The following MBD5 variants were observed in gnomAD, a reference collection of about 807,000 sequenced individuals.
MBD5 encodes the protein methyl-CpG-binding domain protein 5.
MBD5 carries 13 observed loss-of-function variants against 117.3 expected under a neutral mutation model. That is an observed-to-expected ratio of 0.11 (90% CI 0.07 to 0.18). The LOEUF is 0.18. MBD5 is among the 10% of genes least tolerant of loss of function. MBD5 has a pLI of 1.00. For synonymous variants in MBD5, 727 were observed against 766.4 expected (o/e 0.95, Z 0.85); for missense variants, 1,879 against 2,093.8 (o/e 0.90, Z 2.00).
intron 3 of MBD5, among the ~76,000 whole-genome samples, chr2:148,319,802 T>C (rs1283160608): frequency 6.6e-6 from 1 of 152,198 alleles, no homozygotes; most frequent in Admixed American, 6.5e-5. Flanking sequence ...GGAATAAGAA[T>C]GGTGAATGTG....
intron 1 of MBD5, among the ~76,000 whole-genome samples, chr2:148,047,328 A>G (rs1694560501): frequency 1.3e-5 from 2 of 152,222 alleles, no homozygotes; most frequent in African/African-American, 4.8e-5. Flanking sequence ...CATGACCTTT[A>G]CTAAGGGTCA....
At chr2:148,438,895 C>T (rs1357793621) in intron 4 of MBD5, among the ~76,000 whole-genome samples, 1 of 152,144 alleles carries the variant, frequency 6.6e-6, no homozygotes, top group Non-Finnish European at 1.5e-5. Flanking sequence ...ATCTTTCCCA[C>T]CTAGTTCACT....
intron 1 of MBD5, among the ~76,000 whole-genome samples, chr2:148,029,444 C>T (rs922789708): frequency 4.6e-5 from 7 of 152,064 alleles, no homozygotes; most frequent in African/African-American, 1.7e-4. Context: ...AGAAAATAAA[C>T]CTAACAGTCA....
At chr2:148,129,375 A>G (rs1696980352) in intron 1 of MBD5, among the ~76,000 whole-genome samples, 2 of 152,096 alleles carry the variant, frequency 1.3e-5, no homozygotes, top group South Asian at 4.1e-4. Context: ...TGTGCCTGTA[A>G]TCTCAACTAC....
chr2:148,377,356 A>G (rs1299069296), intron 4 of MBD5, among the ~76,000 whole-genome samples: 1 of 152,124 alleles, frequency 6.6e-6, no homozygotes, highest in African/African-American at 2.4e-5. Context: ...TTCCCAGCCC[A>G]CTGACTCAAA....
At chr2:148,468,240 A>G in intron 7 of MBD5, 101 bp from the exon 8 acceptor site, 2 of 941,136 alleles carry the variant, frequency 2.1e-6, no homozygotes, top group Non-Finnish European at 3.4e-6. Context: ...CCAGATGCCC[A>G]TCCTCCCTCT....
intron 1 of MBD5, among the ~76,000 whole-genome samples, chr2:148,067,969 G>A (rs992826036): frequency 1.3e-5 from 2 of 152,142 alleles, no homozygotes; most frequent in African/African-American, 4.8e-5. Context: ...CCCCTAATTG[G>A]TAAGCTTCAT....
intron 4 of MBD5, among the ~76,000 whole-genome samples, chr2:148,429,608 A>G (rs189898675): frequency 4.6e-5 from 7 of 152,200 alleles, no homozygotes; most frequent in African/African-American, 1.2e-4. Context: ...AATGCTCATC[A>G]ATGATAGACT....
chr2:148,384,282 T>C (rs1704265931), intron 4 of MBD5, among the ~76,000 whole-genome samples: 1 of 152,202 alleles, frequency 6.6e-6, no homozygotes, highest in African/African-American at 2.4e-5. Flanking sequence ...ACAAAATCCA[T>C]GTGCTAAAAT....
At chr2:148,088,690 C>T (rs1695860222) in intron 1 of MBD5, among the ~76,000 whole-genome samples, 1 of 152,040 alleles carries the variant, frequency 6.6e-6, no homozygotes, top group African/African-American at 2.4e-5. Context: ...GTGAACACTA[C>T]AAGAAATGCT....
At chr2:148,294,509 T>TGTTTTGTTTTTTTTTTTTTTTGTTTG (rs1701596916) in intron 3 of MBD5, among the ~76,000 whole-genome samples, 5 of 130,068 alleles carry the variant, frequency 3.8e-5, no homozygotes, top group Non-Finnish European at 6.6e-5. Context: ...CAGTTTTTTT[T>TGTTTTGTTTTTTTTTTTTTTTGTTTG]TTTTTTTTTT....
At chr2:148,104,244 C>T (rs962589534) in intron 1 of MBD5, among the ~76,000 whole-genome samples, 18 of 152,034 alleles carry the variant, frequency 1.2e-4, no homozygotes, top group African/African-American at 4.3e-4. Context: ...ATCTTGTATC[C>T]TTAGCAGCTA....
intron 4 of MBD5, among the ~76,000 whole-genome samples, chr2:148,416,147 T>A (rs559458734): frequency 1.3e-5 from 2 of 152,286 alleles, no homozygotes; most frequent in Non-Finnish European, 2.9e-5. Flanking sequence ...TGCTTTTATC[T>A]TCTTTAATGC....
At chr2:148,288,618 A>G in intron 3 of MBD5, among the ~76,000 whole-genome samples, 1 of 151,990 alleles carries the variant, frequency 6.6e-6, no homozygotes, top group Non-Finnish European at 1.5e-5. Flanking sequence ...AAAAACAAAT[A>G]CATACCAAGG....
At chr2:148,242,524 G>A (rs1700236467) in intron 3 of MBD5, among the ~76,000 whole-genome samples, 1 of 152,114 alleles carries the variant, frequency 6.6e-6, no homozygotes, top group Non-Finnish European at 1.5e-5. Context: ...CTTAAAGCCA[G>A]CCCACTGTTA....
chr2:148,262,072 G>T (rs1169330137), intron 3 of MBD5, among the ~76,000 whole-genome samples: 1 of 152,130 alleles, frequency 6.6e-6, no homozygotes, highest in Non-Finnish European at 1.5e-5. Context: ...CACTATATTA[G>T]ATGCAATAAT....
chr2:148,266,924 A>C (rs1357116976), intron 3 of MBD5, among the ~76,000 whole-genome samples: 1 of 152,160 alleles, frequency 6.6e-6, no homozygotes, highest in Non-Finnish European at 1.5e-5. Flanking sequence ...TTGTTGATTA[A>C]AAGAAAAGCA....
At chr2:148,062,213 A>G (rs1695056143) in intron 1 of MBD5, 3 of 151,712 alleles carry the variant, frequency 2.0e-5, no homozygotes, top group African/African-American at 4.8e-5. Flanking sequence ...GTATGTATAT[A>G]CATGTATCAT....
At chr2:148,412,688 T>C (rs560953143) in intron 4 of MBD5, among the ~76,000 whole-genome samples, 4 of 152,234 alleles carry the variant, frequency 2.6e-5, no homozygotes, top group South Asian at 4.1e-4. Flanking sequence ...TAGTTAGCTG[T>C]ATTCCCAGGT....
Sources: allele counts gnomAD v4.1 joint callset (sites outside exome capture counted in the v4.1 genomes callset), GRCh38; gene constraint gnomAD v4.1.1; transcripts MANE v1.5; gene names NCBI Gene and HGNC (gene_info 2026-07-23, HGNC 2026-07-21).